FOCAD: variants seen among roughly 807,000 people sequenced by gnomAD.
FOCAD encodes the protein focadhesin, also known as KIAA1797.
Under a neutral mutation model 225.6 loss-of-function variants are expected in FOCAD, and 198 were observed. The observed-to-expected ratio is 0.88, with a 90% CI of 0.78 to 0.99. The LOEUF (loss-of-function observed/expected upper bound fraction) is 0.99, where lower values mean the gene tolerates loss of function less well. FOCAD is among the 50% of genes least tolerant of loss of function. FOCAD has a pLI of 0.00. For synonymous variants in FOCAD, 897 were observed against 755.0 expected (o/e 1.19, Z -3.08); for missense variants, 2,713 against 2,123.6 (o/e 1.28, Z -5.46).
intron 2 of FOCAD, among the ~76,000 whole-genome samples, chr9:20,662,163 C>G (rs1029134401): frequency 6.6e-6 from 1 of 151,774 alleles, no homozygotes; most frequent in Non-Finnish European, 1.5e-5. Flanking sequence ...GGCTGTGTTG[C>G]TAAACATAAA....
At chr9:20,917,259 TA>T (rs79941557) in intron 24 of FOCAD, among the ~76,000 whole-genome samples, 90 of 145,150 alleles carry the variant, frequency 6.2e-4, no homozygotes, top group South Asian at 6.5e-4. Context: ...TCGAGGGGAT[TA>T]AAAAAAAAAA....
rs1315341728 is a variant in FOCAD at position 20,821,077 on chromosome 9, A to G, written c.1793+6A>G. The stretch of plus-strand genomic sequence containing the variant: ...AGAGATATATGTAAGCAGAGGTATG[A>G]TGTCATTAACTCTTAGGAATGTATA... On this transcript the variant is annotated splice_donor_region_variant and intron_variant, in intron 14 of 43. Coordinates refer to ENST00000338382, the MANE Select transcript of FOCAD (RefSeq NM_001375567.1). 1 of 1,611,436 alleles carries G rather than the reference A, an allele frequency of 6.2e-7. No homozygotes were observed. Among genetic ancestry groups the G allele is most frequent in the Admixed American group, 1.7e-5 (1 of 59,806 alleles).
intron 5 of FOCAD, among the ~76,000 whole-genome samples, chr9:20,743,004 C>G (rs984870536): frequency 2.6e-5 from 4 of 152,136 alleles, no homozygotes; most frequent in Non-Finnish European, 5.9e-5. Context: ...TGTATAAGAG[C>G]CTTAAGTTCC....
At chr9:20,925,011 G>A (rs1834809057) in intron 25 of FOCAD, among the ~76,000 whole-genome samples, 1 of 152,176 alleles carries the variant, frequency 6.6e-6, no homozygotes, top group African/African-American at 2.4e-5. Flanking sequence ...TCTGCAAAGG[G>A]TGTTACTACC....
chr9:20,960,781 G>A (rs1748064390), intron 35 of FOCAD, among the ~76,000 whole-genome samples: 1 of 135,214 alleles, frequency 7.4e-6, no homozygotes, highest in Admixed American at 8.8e-5. Flanking sequence ...TCCCCTTCCT[G>A]TGTCCAATGT....
intron 42 of FOCAD, among the ~76,000 whole-genome samples, chr9:20,991,203 C>A (rs1841640037): frequency 6.6e-6 from 1 of 152,170 alleles, no homozygotes; most frequent in Admixed American, 6.5e-5. Flanking sequence ...AGCTGTTCTG[C>A]AAAGCATAAC....
At chr9:20,659,137 T>G (rs960689243) in intron 2 of FOCAD, among the ~76,000 whole-genome samples, 2 of 152,076 alleles carry the variant, frequency 1.3e-5, no homozygotes, top group Non-Finnish European at 2.9e-5. Flanking sequence ...GGATAATCAC[T>G]TAAACCTGGG....
chr9:20,872,112 G>T (rs1829830810), intron 18 of FOCAD, among the ~76,000 whole-genome samples: 1 of 151,974 alleles, frequency 6.6e-6, no homozygotes, highest in Non-Finnish European at 1.5e-5. Flanking sequence ...TAATACATTT[G>T]TAATTTCTTT....
intron 11 of FOCAD, among the ~76,000 whole-genome samples, chr9:20,819,295 C>T (rs1323670578): frequency 7.9e-5 from 12 of 152,064 alleles, no homozygotes; most frequent in Non-Finnish European, 1.5e-4. Flanking sequence ...CTCACTGCCA[C>T]GTTGAGCTCC....
At chr9:20,952,016 C>A (rs1454895734) in intron 34 of FOCAD, among the ~76,000 whole-genome samples, 5 of 152,100 alleles carry the variant, frequency 3.3e-5, no homozygotes, top group Admixed American at 3.3e-4. Context: ...TGGTCCACAG[C>A]CTTGGCAATG....
At chr9:20,976,851 C>T (rs1840274781) in intron 36 of FOCAD, among the ~76,000 whole-genome samples, 1 of 152,182 alleles carries the variant, frequency 6.6e-6, no homozygotes, top group African/African-American at 2.4e-5. Context: ...TATCAAACTA[C>T]ATTTCCAGAG....
chr9:20,767,864 C>A (rs950807886), intron 7 of FOCAD, among the ~76,000 whole-genome samples: 1 of 151,634 alleles, frequency 6.6e-6, no homozygotes. Flanking sequence ...CTTTTGTTGC[C>A]ATTGCTGTTG....
intron 26 of FOCAD, among the ~76,000 whole-genome samples, chr9:20,926,779 G>A (rs1834991272): frequency 7.0e-6 from 1 of 141,866 alleles, no homozygotes; most frequent in Non-Finnish European, 1.5e-5. Flanking sequence ...GAAAAACTGT[G>A]TCTCAAAAAA....
At chr9:20,985,454 A>G (rs1236485545) in intron 39 of FOCAD, among the ~76,000 whole-genome samples, 1 of 152,246 alleles carries the variant, frequency 6.6e-6, no homozygotes, top group African/African-American at 2.4e-5. Flanking sequence ...ATTTGGGAGC[A>G]AATACTACCA....
At position 20,867,002 on chromosome 9, in the gene FOCAD, T is replaced by C. The variant is rs1483326778; in HGVS notation, c.2180T>C (p.Leu727Pro). Reference protein sequence around the residue: ...FSAGEHTILHLPEKIRPEIPI... With the variant: ...FSAGEHTILHPPEKIRPEIPI... Reference sequence around the variant, plus strand: ...GCAGGAGAACACACCATTCTTCATCTGCCTGAAAAGGTAGGCATATCTGCT... The same window carrying C: ...GCAGGAGAACACACCATTCTTCATCCGCCTGAAAAGGTAGGCATATCTGCT... Residue 727 changes from leucine to proline, a missense_variant, in exon 18 of 44, where the codon CTG (leucine) becomes CCG (proline). Leu to Pro is a moderately conservative substitution (Grantham distance 98). Coordinates refer to ENST00000338382, the MANE Select transcript of FOCAD (RefSeq NM_001375567.1). 2.6e-6 allele frequency: 4 copies of C among 1,530,380 alleles called. No individual in the cohort carries two copies. The highest frequency in any genetic ancestry group is 3.5e-6 in the Non-Finnish European group (4 of 1,127,874). The allele number at this position is 1,530,380 out of a possible 1,614,324, so 94.8% of individuals were successfully genotyped here.
chr9:20,936,512 T>C (rs1015790857), intron 28 of FOCAD, among the ~76,000 whole-genome samples: 2 of 152,256 alleles, frequency 1.3e-5, no homozygotes, highest in African/African-American at 2.4e-5. Context: ...AGAAACACTT[T>C]TGGGGTCAAG....
chr9:20,882,513 C>G (rs192795950), intron 20 of FOCAD, among the ~76,000 whole-genome samples: 4 of 152,102 alleles, frequency 2.6e-5, no homozygotes, highest in African/African-American at 7.2e-5. Flanking sequence ...GAAACAAAGA[C>G]GAGCTAGGAG....
chr9:20,797,760 G>A (rs1448024267), intron 11 of FOCAD, among the ~76,000 whole-genome samples: 8 of 152,166 alleles, frequency 5.3e-5, no homozygotes, highest in Admixed American at 2.0e-4. Context: ...AGACGATGGG[G>A]TTTTCTAGAT....
chr9:20,742,896 G>A lies in FOCAD; in HGVS notation c.392+2556G>A, dbSNP rs545517637. On this transcript the variant is annotated intron_variant, in intron 5 of 43. Coordinates refer to ENST00000338382, the MANE Select transcript of FOCAD (RefSeq NM_001375567.1). ...AGATACGTGGCACATTAAGAGGTCC[G>A]TAATCAATCACCTGAGTTGGCATAA... is the stretch of plus-strand genomic sequence containing the variant. Among the ~76,000 whole-genome samples the A allele has an allele frequency of 5.3e-5, 8 of 152,290 alleles. No individual in the cohort carries two copies. The East Asian group carries it at 5.8e-4, about 11-fold the overall frequency.
Sources: allele counts gnomAD v4.1 joint callset (sites outside exome capture counted in the v4.1 genomes callset), GRCh38; gene constraint gnomAD v4.1.1; transcripts MANE v1.5; gene names NCBI Gene and HGNC (gene_info 2026-07-23, HGNC 2026-07-21).